ERBIN: variants seen among roughly 807,000 people sequenced by gnomAD.
ERBIN encodes erbb2 interacting protein.
ERBIN carries 60 observed loss-of-function variants against 158.4 expected under a neutral mutation model. The ratio of observed to expected loss-of-function variants is 0.38; its 90% CI spans 0.31 to 0.47. The LOEUF (loss-of-function observed/expected upper bound fraction) is 0.47, where lower values mean the gene tolerates loss of function less well. Ranked by LOEUF, ERBIN falls within the 20% of genes least tolerant of loss-of-function variation. The pLI is 0.99. For synonymous variants in ERBIN, 594 were observed against 557.2 expected (o/e 1.07, Z -0.93); for missense variants, 1,610 against 1,648.0 (o/e 0.98, Z 0.40).
intron 7 of ERBIN, among the ~76,000 whole-genome samples, chr5:66,016,949 T>C (rs1288859922): frequency 6.6e-6 from 1 of 151,974 alleles, no homozygotes; most frequent in African/African-American, 2.4e-5. Flanking sequence ...TGTGAATGAG[T>C]ACATGCAATA....
At chr5:65,932,142 G>A (rs532884855) in intron 1 of ERBIN, among the ~76,000 whole-genome samples, 207 of 151,962 alleles carry the variant, frequency 1.4e-3, no homozygotes, top group Non-Finnish European at 2.7e-3. Flanking sequence ...AGGAGATCAA[G>A]ACCATGGACA....
At chr5:66,068,882 G>T (rs1483183986) in intron 21 of ERBIN, 1 of 1,532,020 alleles carries the variant, frequency 6.5e-7, no homozygotes, top group Admixed American at 2.0e-5. Flanking sequence ...TTCAGAGCAT[G>T]CTGTCAAGGT....
At chr5:65,939,063 C>A (rs1744440806) in intron 1 of ERBIN, among the ~76,000 whole-genome samples, 1 of 152,104 alleles carries the variant, frequency 6.6e-6, no homozygotes, top group East Asian at 1.9e-4. Flanking sequence ...CCCGCTTTAT[C>A]CATGGGTTAC....
intron 2 of ERBIN, among the ~76,000 whole-genome samples, chr5:65,989,737 T>C (rs1751668382): frequency 6.6e-6 from 1 of 152,226 alleles, no homozygotes; most frequent in Non-Finnish European, 1.5e-5. Flanking sequence ...CATGTGTGAC[T>C]AATAAGCTGA....
intron 8 of ERBIN, among the ~76,000 whole-genome samples, chr5:66,021,931 T>G (rs1670951874): frequency 6.6e-6 from 1 of 152,076 alleles, no homozygotes; most frequent in South Asian, 2.1e-4. Context: ...AGCTTTTGTC[T>G]TTAGTGAGTT....
intron 1 of ERBIN, among the ~76,000 whole-genome samples, chr5:65,937,187 GC>G (rs1580068948): frequency 1.3e-5 from 2 of 152,206 alleles, no homozygotes; most frequent in East Asian, 3.9e-4. Flanking sequence ...TCTGGTGTTT[GC>G]CATATGGATG....
At chr5:65,996,243 A>ATTT (rs1752418211) in intron 4 of ERBIN, among the ~76,000 whole-genome samples, 1 of 52,084 alleles carries the variant, frequency 1.9e-5, no homozygotes, top group African/African-American at 7.9e-5. Flanking sequence ...TTTTCCTAGT[A>ATTT]GTTTTTTTTT....
intron 21 of ERBIN, among the ~76,000 whole-genome samples, chr5:66,070,184 A>G (rs1761399788): frequency 1.3e-5 from 2 of 152,036 alleles, no homozygotes; most frequent in Non-Finnish European, 2.9e-5. Context: ...AGCTGGGATT[A>G]CAGGTGCGCA....
At chr5:66,010,408 C>T (rs1754081832) in intron 4 of ERBIN, among the ~76,000 whole-genome samples, 1 of 152,232 alleles carries the variant, frequency 6.6e-6, no homozygotes, top group East Asian at 1.9e-4. Flanking sequence ...TAAGGTGGTG[C>T]TTGTCAGATT....
chr5:65,971,874 G>A (rs940271534), intron 1 of ERBIN, among the ~76,000 whole-genome samples: 1 of 152,154 alleles, frequency 6.6e-6, no homozygotes, highest in African/African-American at 2.4e-5. Flanking sequence ...CCATCTAGGA[G>A]GGCAGTGTTA....
chr5:66,019,133 C>T (rs932767053), intron 7 of ERBIN, among the ~76,000 whole-genome samples: 2 of 152,116 alleles, frequency 1.3e-5, no homozygotes, highest in African/African-American at 4.8e-5. Context: ...TACATGTTGT[C>T]TGTGAACAAG....
In ERBIN at chr5:66,063,497, C is replaced by T. The variant is rs1487194961; in HGVS notation, c.3633+8546C>T. ...GACCCCTTGTGTTTTCCAGGTGAGGCGATGCCTCACCCTGCTTCGGCTCAG... is the reference window on the plus strand; with the variant it reads ...GACCCCTTGTGTTTTCCAGGTGAGGTGATGCCTCACCCTGCTTCGGCTCAG... On this transcript the variant is annotated intron_variant, in intron 21 of 25. Transcript: ENST00000284037. 5.9e-5 allele frequency among the ~76,000 whole-genome samples: 9 copies of T among 152,110 alleles called. No individual in the cohort carries two copies. The East Asian group carries it at 1.5e-3, about 26-fold the overall frequency.
intron 1 of ERBIN, among the ~76,000 whole-genome samples, chr5:65,984,258 G>A (rs1021285047): frequency 6.6e-6 from 1 of 151,188 alleles, no homozygotes; most frequent in Admixed American, 6.6e-5. Context: ...TGGGGCCCCT[G>A]CCCACTCAGC....
intron 13 of ERBIN, among the ~76,000 whole-genome samples, chr5:66,027,774 T>C (rs1168542889): frequency 1.3e-5 from 2 of 152,062 alleles, no homozygotes; most frequent in Non-Finnish European, 2.9e-5. Context: ...CCACAGATAC[T>C]GAGGAATGAC....
intron 21 of ERBIN, chr5:66,068,974 C>A: frequency 6.5e-7 from 1 of 1,535,532 alleles, no homozygotes; most frequent in Non-Finnish European, 8.7e-7. Context: ...GGCAGTCTTG[C>A]CTTGAGTGTT....
At chr5:65,956,087 T>C (rs753352950) in intron 1 of ERBIN, among the ~76,000 whole-genome samples, 8 of 152,158 alleles carry the variant, frequency 5.3e-5, no homozygotes, top group Non-Finnish European at 1.2e-4. Context: ...TCACCCCTAA[T>C]AAGGGGAGAC....
intron 1 of ERBIN, among the ~76,000 whole-genome samples, chr5:65,956,389 T>C (rs1336728107): frequency 1.9e-5 from 1 of 52,334 alleles, no homozygotes; most frequent in Admixed American, 1.3e-4. Context: ...TTTTTTTTTT[T>C]TTGAGATGGA....
At chr5:65,939,454 A>C (rs1744509885) in intron 1 of ERBIN, among the ~76,000 whole-genome samples, 1 of 151,956 alleles carries the variant, frequency 6.6e-6, no homozygotes, top group Non-Finnish European at 1.5e-5. Context: ...AACACCAATA[A>C]AGAACAATAC....
intron 1 of ERBIN, among the ~76,000 whole-genome samples, chr5:65,943,257 A>G (rs1745289422): frequency 6.6e-6 from 1 of 152,190 alleles, no homozygotes; most frequent in African/African-American, 2.4e-5. Flanking sequence ...AAGGGATGAG[A>G]AGGAGGAATT....
Sources: gnomAD v4.1 joint callset for allele counts (sites outside exome capture counted in the v4.1 genomes callset) on GRCh38, gnomAD v4.1.1 for gene constraint, MANE v1.5 for transcripts, NCBI Gene and HGNC (gene_info 2026-07-23, HGNC 2026-07-21) for gene names.